The following SPEN variants were observed in gnomAD, a reference collection of about 807,000 sequenced individuals.
SPEN encodes the protein msx2-interacting protein.
In SPEN, 18 loss-of-function variants were observed where a neutral mutation model predicts 269.9. The ratio of observed to expected loss-of-function variants is 0.07; its 90% CI spans 0.05 to 0.10. The LOEUF (loss-of-function observed/expected upper bound fraction) is 0.10, where lower values mean the gene tolerates loss of function less well. SPEN is among the 10% of genes least tolerant of loss of function. The pLI, the probability that SPEN is intolerant of heterozygous loss-of-function variation, is 1.00. For missense variants in SPEN, 3,822 were observed against 4,631.2 expected (o/e 0.83, Z 5.07); for synonymous variants, 1,726 against 1,765.7 (o/e 0.98, Z 0.56).
At chr1:15,861,225 G>A (rs554269624) in intron 1 of SPEN, among the ~76,000 whole-genome samples, 11 of 149,832 alleles carry the variant, frequency 7.3e-5, no homozygotes, top group South Asian at 4.2e-4. Flanking sequence ...TCCACCTCCC[G>A]GGTTCAAGCG....
chr1:15,860,762 T>G (rs1246589731), intron 1 of SPEN, among the ~76,000 whole-genome samples: 3 of 151,236 alleles, frequency 2.0e-5, no homozygotes, highest in Admixed American at 6.6e-5. Flanking sequence ...CCACGATGCC[T>G]GGCTAATTTT....
chr1:15,894,083 T>C (rs897377713), intron 3 of SPEN, among the ~76,000 whole-genome samples: 1 of 152,208 alleles, frequency 6.6e-6, no homozygotes, highest in Non-Finnish European at 1.5e-5. Context: ...ATCAGTTGTA[T>C]GTGACCACTT....
rs552725683 is a variant in SPEN at position 15,852,291 on chromosome 1, AC to A, written c.83+4146del. ...TGTCTATGGCCATACCACCCATACC[AC>A]CCCCATCCCGTCTATGAAACCACCT... On this transcript the variant is annotated intron_variant, in intron 1 of 14. Transcript: ENST00000375759. 1.8e-3 allele frequency among the ~76,000 whole-genome samples: 280 copies of A among 151,610 alleles called. 2 individuals are homozygous for A. The highest frequency in any genetic ancestry group is 0.01 in the Middle Eastern group (3 of 292).
chr1:15,872,724 C>A, intron 1 of SPEN, 92 bp from the exon 2 acceptor site: 1 of 1,013,128 alleles, frequency 9.9e-7, no homozygotes, highest in Non-Finnish European at 1.4e-6. Flanking sequence ...GTCCCTCCTA[C>A]ATACATAACG....
intron 2 of SPEN, chr1:15,874,420 ATT>A (rs2070611564): frequency 7.5e-7 from 1 of 1,333,926 alleles, no homozygotes; most frequent in African/African-American, 1.5e-5. Flanking sequence ...ACCTGTGTAT[ATT>A]AGCCCCTCTC....
chr1:15,913,396 T>G (rs2071028820), intron 5 of SPEN, among the ~76,000 whole-genome samples: 1 of 152,090 alleles, frequency 6.6e-6, no homozygotes, highest in Non-Finnish European at 1.5e-5. Context: ...CTTTTTTTTT[T>G]GCTAACTGAA....
chr1:15,908,586 C>A (rs1207991502), intron 3 of SPEN, among the ~76,000 whole-genome samples: 1 of 152,096 alleles, frequency 6.6e-6, no homozygotes, highest in Non-Finnish European at 1.5e-5. Context: ...CCACACCCAG[C>A]TAATTTTTAT....
Position 15,923,904 on chromosome 1 carries a change from G to A in SPEN, c.1850+1555G>A, listed in dbSNP as rs12098115. Among the ~76,000 whole-genome samples, 1,343 of 152,182 alleles carry A rather than the reference G, an allele frequency of 8.8e-3. 17 individuals are homozygous for A. Among genetic ancestry groups the A allele is most frequent in the African/African-American group, 0.027 (1,128 of 41,526 alleles). On this transcript the variant is annotated intron_variant, in intron 10 of 14. Coordinates refer to ENST00000375759, the MANE Select transcript of SPEN (RefSeq NM_015001.3). Reference sequence around the variant, plus strand: ...AGGCTGGTCTTGAACTCCTGACCTCGTGATCCGCCCGCCTTGGCCTCTCAA... The same window carrying A: ...AGGCTGGTCTTGAACTCCTGACCTCATGATCCGCCCGCCTTGGCCTCTCAA...
At position 15,922,349 on chromosome 1, in the gene SPEN, G is replaced by C; in HGVS notation, c.1850G>C (p.Arg617Thr). 1 of 1,595,056 alleles carries C rather than the reference G, an allele frequency of 6.3e-7. No homozygotes were observed. The highest frequency in any genetic ancestry group is 8.5e-7 in the Non-Finnish European group (1 of 1,172,102). Residue 617 changes from arginine (R) to threonine (T), a missense_variant and splice_region_variant, in exon 10 of 15, where the codon AGA (arginine) becomes ACA (threonine). Coordinates refer to ENST00000375759, the MANE Select transcript of SPEN (RefSeq NM_015001.3). ...TTTTATGAAATGTTAGCCGAAAGAAGGTATGTATTTTAAACTTACCAGTGT... is the reference window on the plus strand; with the variant it reads ...TTTTATGAAATGTTAGCCGAAAGAACGTATGTATTTTAAACTTACCAGTGT... ...RDFYEMLAER[R>T]EERRASYDYN... is the part of the protein sequence containing the mutation.
chr1:15,899,719 G>A (rs2070882236), intron 3 of SPEN, among the ~76,000 whole-genome samples: 3 of 151,732 alleles, frequency 2.0e-5, no homozygotes, highest in Non-Finnish European at 4.4e-5. Flanking sequence ...ATTTTTTCTT[G>A]TGCTTATTTG....
chr1:15,892,024 T>C (rs1165453986), intron 3 of SPEN, among the ~76,000 whole-genome samples: 1 of 135,978 alleles, frequency 7.4e-6, no homozygotes, highest in African/African-American at 2.8e-5. Context: ...TTTTTTTTTT[T>C]TTTTTTTTTT....
chr1:15,913,015 A>C (rs1178969344), intron 5 of SPEN, among the ~76,000 whole-genome samples: 1 of 152,238 alleles, frequency 6.6e-6, no homozygotes, highest in African/African-American at 2.4e-5. Flanking sequence ...GGTTGGTTCA[A>C]GTATAGAAAA....
rs1009748094 is a variant in SPEN, at chr1:15,847,835, C to A, written c.-233C>A. The A allele has an allele frequency of 8.0e-6, 2 of 248,630 alleles. No homozygotes were observed. Among genetic ancestry groups the A allele is most frequent in the East Asian group, 6.6e-5 (1 of 15,058 alleles). The allele number at this position is 248,630 out of a possible 1,614,324, so 15.4% of individuals were successfully genotyped here. On this transcript the variant is annotated 5_prime_UTR_variant, in exon 1 of 15. Coordinates refer to ENST00000375759, the MANE Select transcript of SPEN (RefSeq NM_015001.3). ...GCATGCGCTGCCGGAGCGCGAGGGT[C>A]GGCTTCGGGTGTGTGGTGGCGGCAG...
Position 15,934,887 on chromosome 1 carries a change from C to T in SPEN, c.8647C>T (p.His2883Tyr). The change falls in exon 11 of 15, where the codon CAT (histidine) becomes TAT (tyrosine). Residue 2883 changes from histidine to tyrosine, a missense_variant. His to Tyr is a moderately conservative substitution (Grantham distance 83, BLOSUM62 2). Around this residue, in one of 16 missense-constraint regions of SPEN, gnomAD observed 329 missense variants for 431.2 expected, o/e 0.76. Coordinates refer to ENST00000375759, the MANE Select transcript of SPEN (RefSeq NM_015001.3). This position sits in a 1 kb window ranked among gnomAD's most constrained non-coding sequence, Gnocchi z 9.2. ...TGCAGGCTATGCGAACGTGGCCACC[C>T]ATTCCACGTTGGTACTGACCGCCCA... ...APAGYANVAT[H>Y]STLVLTAQTY... 6.2e-7 allele frequency: 1 copy of T among 1,614,152 alleles called. No individual in the cohort carries two copies. Among genetic ancestry groups the T allele is most frequent in the Non-Finnish European group, 8.5e-7 (1 of 1,180,020 alleles).
chr1:15,916,552 C>T (rs909885710), intron 6 of SPEN, among the ~76,000 whole-genome samples: 4 of 145,340 alleles, frequency 2.8e-5, no homozygotes, highest in Non-Finnish European at 4.5e-5. Flanking sequence ...ACTCTGTCTC[C>T]GAGCCTGGAG....
At chr1:15,890,379 G>A (rs1386477041) in intron 3 of SPEN, among the ~76,000 whole-genome samples, 2 of 151,426 alleles carry the variant, frequency 1.3e-5, no homozygotes, top group Non-Finnish European at 2.9e-5. Context: ...TTACAGGCAC[G>A]CACCACCACA....
chr1:15,890,808 C>G (rs2070781131), intron 3 of SPEN, among the ~76,000 whole-genome samples: 1 of 152,138 alleles, frequency 6.6e-6, no homozygotes, highest in Non-Finnish European at 1.5e-5. Context: ...CCCAAGGCAA[C>G]TGCTAATCTA....
At chr1:15,892,134 C>A (rs948515434) in intron 3 of SPEN, among the ~76,000 whole-genome samples, 1 of 150,980 alleles carries the variant, frequency 6.6e-6, no homozygotes, top group East Asian at 1.9e-4. Context: ...CATTCTCCTG[C>A]CTCAGCCTCC....
At position 15,936,170 on chromosome 1, in the gene SPEN, C is replaced by T. The variant is rs771451074; in HGVS notation, c.9930C>T (p.Asp3310=). 5.0e-6 allele frequency: 8 copies of T among 1,606,630 alleles called. No homozygotes were observed. The highest frequency in any genetic ancestry group is 1.7e-5 in the Admixed American group (1 of 59,664). The stretch of plus-strand genomic sequence containing the variant: ...TGTTTCAAGAGTACCGGTACGGCGA[C>T]ATCCGCACCTACCACCCCCCGGCCC... ...GELFQEYRYG[D]IRTYHPPAQL... The change falls in exon 11 of 15, where the codon GAC becomes GAT. Residue 3310 remains aspartate, a synonymous_variant. Coordinates refer to ENST00000375759, the MANE Select transcript of SPEN (RefSeq NM_015001.3).
Sources: gnomAD v4.1 joint callset for allele counts (sites outside exome capture counted in the v4.1 genomes callset) on GRCh38, gnomAD v4.1.1 for gene constraint, gnomAD v4.1.1 regional missense constraint, Gnocchi (gnomAD v3.1) non-coding constraint, MANE v1.5 for transcripts, NCBI Gene and HGNC (gene_info 2026-07-23, HGNC 2026-07-21) for gene names.